The following NPHP4 variants were observed in gnomAD, a reference collection of about 807,000 sequenced individuals.
The protein encoded by NPHP4 is nephrocystin 4, also known as nephrocystin-4.
In NPHP4, 151 loss-of-function variants were observed where a neutral mutation model predicts 155.8. That is an observed-to-expected ratio of 0.97 (90% CI 0.85 to 1.11). NPHP4 has a LOEUF of 1.11. NPHP4 is among the 50% of genes least tolerant of loss of function. The pLI, the probability that NPHP4 is intolerant of heterozygous loss-of-function variation, is 0.00. For missense variants in NPHP4, 1,956 were observed against 1,925.7 expected, an observed-to-expected ratio of 1.02 and a Z score of -0.29; for synonymous variants, 845 against 816.8, an observed-to-expected ratio of 1.03 and a Z score of -0.59.
At chr1:5,873,062 T>C (rs1642171105) in intron 23 of NPHP4, among the ~76,000 whole-genome samples, 190 bp downstream of exon 23, 1 of 152,152 alleles carries the variant, frequency 6.6e-6, no homozygotes, top group Non-Finnish European at 1.5e-5. Context: ...CCATGCAGGC[T>C]GTGCCAGCGC....
intron 4 of NPHP4, among the ~76,000 whole-genome samples, chr1:5,968,504 A>G (rs1014888701): frequency 2.0e-5 from 3 of 152,056 alleles, no homozygotes; most frequent in Non-Finnish European, 4.4e-5. Flanking sequence ...TGGGAGGATG[A>G]CACACAGGAA....
intron 10 of NPHP4, among the ~76,000 whole-genome samples, chr1:5,929,232 C>A (rs1224546401): frequency 6.6e-6 from 1 of 152,178 alleles, no homozygotes. Context: ...TAGACAATCA[C>A]GTTTTCTGCA....
In NPHP4 at chr1:5,874,725, C is replaced by T. The variant is rs890987956; in HGVS notation, c.3045-68G>A. 15 of 1,553,466 alleles carry T rather than the reference C, an allele frequency of 9.7e-6. No individual in the cohort carries two copies. In the South Asian group the frequency reaches 1.5e-4, roughly 16 times the overall value. ...GAGGACCCACAGGAGGCTGCGGTCC[C>T]ACCCACCGAGAGCGGTGCTCAGAGG... is the stretch of plus-strand genomic sequence containing the variant. On this transcript the variant is annotated intron_variant, in intron 21 of 29. Transcript: ENST00000378156.
chr1:5,935,751 T>C (rs1369052539), intron 9 of NPHP4, among the ~76,000 whole-genome samples: 1 of 152,160 alleles, frequency 6.6e-6, no homozygotes, highest in African/African-American at 2.4e-5. Flanking sequence ...TGTAGGCACC[T>C]GTAATCCCAG....
intron 9 of NPHP4, 102 bp downstream of exon 9, chr1:5,947,002 C>T (rs1647135881): frequency 1.7e-6 from 2 of 1,187,288 alleles, no homozygotes; most frequent in East Asian, 4.8e-5. Context: ...TTATAATAAT[C>T]ATGCCTGTTT....
rs200203766 is a variant in NPHP4, at chr1:5,952,835, G to A, written c.675C>T (p.Gly225=). ...GGAGGCGAGGCTTTCGGAGAGCGTC[G>A]CCTGAAACAGTGAGGGTGCGAAAAG... The part of the protein sequence containing the change: ...PGLLPAHGES[G]DALRKPRLQK... The change falls in exon 7 of 30, where the codon GGC becomes GGT. Residue 225 remains glycine, a splice_region_variant and synonymous_variant. Transcript: ENST00000378156. 79 of 1,597,726 alleles carry A rather than the reference G, an allele frequency of 4.9e-5. No homozygotes were observed. Among genetic ancestry groups the A allele is most frequent in the Admixed American group, 2.8e-4 (16 of 58,154 alleles).
chr1:5,962,420 G>C (rs1328040486), intron 5 of NPHP4, among the ~76,000 whole-genome samples: 1 of 152,096 alleles, frequency 6.6e-6, no homozygotes, highest in Admixed American at 6.5e-5. Context: ...AGCACAGACA[G>C]GCACAGACTG....
intron 16 of NPHP4, among the ~76,000 whole-genome samples, chr1:5,896,782 G>A (rs549200266): frequency 8.5e-5 from 13 of 152,210 alleles, no homozygotes; most frequent in African/African-American, 2.6e-4. Context: ...TCAGAGAAAC[G>A]GGCCCTGGCT....
intron 29 of NPHP4, 121 bp from the exon 30 acceptor site, chr1:5,863,526 G>A (rs1398476073): frequency 9.6e-6 from 12 of 1,248,704 alleles, no homozygotes; most frequent in South Asian, 5.5e-5. Flanking sequence ...GGAGCCCTGC[G>A]GGTGCATCCA....
Position 5,863,411 on chromosome 1 carries a change from A to G in NPHP4, c.4141-6T>C, listed in dbSNP as rs752257917. On this transcript the variant is annotated splice_polypyrimidine_tract_variant and splice_region_variant and intron_variant, in intron 29 of 29. Transcript: ENST00000378156. ...TAGGTCTCTCCACCCCCGACCTGGA[A>G]ATAAGCATCCAAATCCCAGCATCCA... 6 of 1,603,062 alleles carry G rather than the reference A, an allele frequency of 3.7e-6. No individual in the cohort carries two copies. Among genetic ancestry groups the G allele is most frequent in the Non-Finnish European group, 5.1e-6 (6 of 1,173,324 alleles).
chr1:5,880,311 C>T (rs1643143797), intron 18 of NPHP4, 72 bp from the exon 19 acceptor site: 19 of 1,531,796 alleles, frequency 1.2e-5, no homozygotes, highest in Non-Finnish European at 1.6e-5. Flanking sequence ...CAACCCACCA[C>T]ATAAGCGGCT....
intron 6 of NPHP4, among the ~76,000 whole-genome samples, chr1:5,953,072 GTTTTGTTTTTCATTT>G (rs1340532038): frequency 3.4e-5 from 5 of 148,154 alleles, no homozygotes; most frequent in Admixed American, 2.0e-4. Flanking sequence ...TTTTTCTGTT[GTTTTGTTTTTCATTT>G]TTTTGTTTTT....
intron 18 of NPHP4, chr1:5,881,311 C>G (rs988992455): frequency 6.6e-6 from 1 of 152,282 alleles, no homozygotes; most frequent in Non-Finnish European, 1.5e-5. Context: ...AACCCAGGTT[C>G]TCCTGGTGAC....
intron 10 of NPHP4, among the ~76,000 whole-genome samples, chr1:5,932,391 A>G (rs886298733): frequency 6.6e-6 from 1 of 152,232 alleles, no homozygotes; most frequent in Non-Finnish European, 1.5e-5. Flanking sequence ...TATTCTAAAT[A>G]TTACATCTAT....
intron 11 of NPHP4, among the ~76,000 whole-genome samples, chr1:5,917,252 G>C (rs1645522023): frequency 6.6e-6 from 1 of 152,126 alleles, no homozygotes; most frequent in Admixed American, 6.5e-5. Context: ...GTGTTACACA[G>C]TAAAGACAGG....
At chr1:5,963,348 T>C (rs1650718900) in intron 5 of NPHP4, among the ~76,000 whole-genome samples, 1 of 151,876 alleles carries the variant, frequency 6.6e-6, no homozygotes, top group Non-Finnish European at 1.5e-5. Flanking sequence ...TGAGCCGAGA[T>C]TGCACCACTG....
At chr1:5,962,848 G>C (rs1650608963) in intron 5 of NPHP4, among the ~76,000 whole-genome samples, 1 of 152,210 alleles carries the variant, frequency 6.6e-6, no homozygotes, top group Non-Finnish European at 1.5e-5. Context: ...GGAGTGCGGG[G>C]AGAGGCACAC....
chr1:5,976,899 A>G (rs1209544700), intron 3 of NPHP4, among the ~76,000 whole-genome samples: 3 of 152,110 alleles, frequency 2.0e-5, no homozygotes, highest in Non-Finnish European at 4.4e-5. Context: ...CCCCATGGGA[A>G]AGGCACACCT....
chr1:5,945,072 G>A (rs1330036708), intron 9 of NPHP4, among the ~76,000 whole-genome samples: 3 of 152,230 alleles, frequency 2.0e-5, no homozygotes, highest in Admixed American at 6.5e-5. Flanking sequence ...AATTTCAGAT[G>A]AGGGTTAAAA....
Sources: allele counts gnomAD v4.1 joint callset (sites outside exome capture counted in the v4.1 genomes callset), GRCh38; gene constraint gnomAD v4.1.1; transcripts MANE v1.5; gene names NCBI Gene and HGNC (gene_info 2026-07-23, HGNC 2026-07-21).